The following CNTN5 variants were observed in gnomAD, a reference collection of about 807,000 sequenced individuals.
CNTN5 encodes contactin 5.
A neutral mutation model predicts 129.1 loss-of-function variants in CNTN5; 77 were observed. That is an observed-to-expected ratio of 0.60 (90% confidence interval 0.50 to 0.72). CNTN5 has a LOEUF of 0.72. Among genes scored for constraint, CNTN5 ranks in the 30% least tolerant of loss-of-function variants. The pLI, the probability that CNTN5 is intolerant of heterozygous loss-of-function variation, is 0.00. For missense variants in CNTN5, 1,478 were observed against 1,328.8 expected (o/e 1.11, Z -1.75); for synonymous variants, 509 against 465.6 (o/e 1.09, Z -1.20).
chr11:99,060,463 A>G (rs1488202369), intron 1 of CNTN5, among the ~76,000 whole-genome samples: 3 of 152,122 alleles, frequency 2.0e-5, no homozygotes, highest in South Asian at 4.1e-4. Context: ...CACTAAAGCT[A>G]TCATAGTTGA....
intron 9 of CNTN5, among the ~76,000 whole-genome samples, chr11:100,055,863 T>G (rs1369089932): frequency 1.3e-5 from 2 of 151,572 alleles, no homozygotes; most frequent in African/African-American, 4.8e-5. Context: ...TCTCTTGCTC[T>G]CACTCTCTCT....
At chr11:100,147,565 G>A (rs1311679721) in intron 13 of CNTN5, among the ~76,000 whole-genome samples, 3 of 151,852 alleles carry the variant, frequency 2.0e-5, no homozygotes, top group Admixed American at 2.0e-4. Flanking sequence ...TTATACACAC[G>A]TCTCCACCAT....
At chr11:99,035,911 G>T (rs1430031666) in intron 1 of CNTN5, among the ~76,000 whole-genome samples, 1 of 152,038 alleles carries the variant, frequency 6.6e-6, no homozygotes, top group African/African-American at 2.4e-5. Flanking sequence ...GCTGGTACCA[G>T]TTGTTCCTTT....
intron 3 of CNTN5, among the ~76,000 whole-genome samples, chr11:99,753,234 T>C (rs1944294795): frequency 6.7e-6 from 1 of 148,492 alleles, no homozygotes; most frequent in African/African-American, 2.5e-5. Flanking sequence ...GCCATTCTCC[T>C]GCCTCAGCCT....
rs535328847 is a variant in CNTN5, at chr11:99,903,288, T to C, written c.578-12766T>C. Among the ~76,000 whole-genome samples, 3 of 151,962 alleles carry C rather than the reference T, an allele frequency of 2.0e-5. No individual in the cohort carries two copies. In the East Asian group the frequency reaches 6.0e-4, roughly 30 times the overall value. Reference sequence around the variant, plus strand: ...GTAAAGGGCTGTTTAGATTTTTACTTTGGTTATGGTATAACCATAACCAAA... The same window carrying C: ...GTAAAGGGCTGTTTAGATTTTTACTCTGGTTATGGTATAACCATAACCAAA... On this transcript the variant is annotated intron_variant, in intron 6 of 24. Coordinates refer to ENST00000524871, the MANE Select transcript of CNTN5 (RefSeq NM_014361.4).
intron 6 of CNTN5, 113 bp from the exon 7 acceptor site, chr11:99,915,941 C>G: frequency 1.3e-6 from 1 of 778,732 alleles, no homozygotes; most frequent in African/African-American, 1.7e-5. Context: ...CACTGATTAA[C>G]AAACAAAAGA....
intron 1 of CNTN5, among the ~76,000 whole-genome samples, chr11:99,104,205 T>C (rs1282484721): frequency 2.6e-5 from 4 of 152,134 alleles, no homozygotes; most frequent in Non-Finnish European, 5.9e-5. Flanking sequence ...TCAGATAAAT[T>C]AATGAGTATT....
At chr11:100,095,533 T>A (rs1944978432) in intron 13 of CNTN5, among the ~76,000 whole-genome samples, 1 of 152,102 alleles carries the variant, frequency 6.6e-6, no homozygotes, top group Non-Finnish European at 1.5e-5. Flanking sequence ...ACATGGGTAA[T>A]GTGCGTGGGT....
intron 8 of CNTN5, among the ~76,000 whole-genome samples, chr11:99,967,279 G>A (rs1303939904): frequency 6.6e-6 from 1 of 152,162 alleles, no homozygotes; most frequent in Non-Finnish European, 1.5e-5. Context: ...GATTTGAAGT[G>A]CGTAGAAACA....
intron 1 of CNTN5, among the ~76,000 whole-genome samples, chr11:99,298,611 T>A (rs142016333): frequency 5.6e-4 from 86 of 152,274 alleles, no homozygotes; most frequent in African/African-American, 2.0e-3. Flanking sequence ...AAGAATCTGA[T>A]ACCAAAGTTG....
At chr11:100,150,503 T>C (rs1947018058) in intron 13 of CNTN5, among the ~76,000 whole-genome samples, 1 of 148,936 alleles carries the variant, frequency 6.7e-6, no homozygotes, top group Non-Finnish European at 1.5e-5. Flanking sequence ...GGTCCACCGA[T>C]ATTATAAAAC....
At chr11:100,286,395 G>A (rs1212522547) in intron 18 of CNTN5, among the ~76,000 whole-genome samples, 13 of 150,788 alleles carry the variant, frequency 8.6e-5, no homozygotes, top group East Asian at 6.0e-4. Flanking sequence ...CTCCCAGCAC[G>A]CAGCTGGAGA....
At chr11:100,052,218 A>C (rs922573245) in intron 9 of CNTN5, among the ~76,000 whole-genome samples, 5 of 151,940 alleles carry the variant, frequency 3.3e-5, no homozygotes, top group African/African-American at 1.2e-4. Context: ...GATTAGAGGG[A>C]AACTTTCTCA....
intron 3 of CNTN5, among the ~76,000 whole-genome samples, chr11:99,766,768 C>T (rs934787354): frequency 1.3e-5 from 2 of 151,922 alleles, no homozygotes; most frequent in Non-Finnish European, 2.9e-5. Context: ...CCTATTTTAA[C>T]AAGCATTTTA....
intron 2 of CNTN5, among the ~76,000 whole-genome samples, chr11:99,380,692 C>T (rs377737996): frequency 7.3e-6 from 1 of 137,370 alleles, no homozygotes; most frequent in East Asian, 2.3e-4. Flanking sequence ...CACTTGAACC[C>T]GGGAGGTGGA....
chr11:100,003,092 A>G (rs1332860237), intron 9 of CNTN5, among the ~76,000 whole-genome samples: 1 of 152,154 alleles, frequency 6.6e-6, no homozygotes, highest in Non-Finnish European at 1.5e-5. Flanking sequence ...AGGTAGATTT[A>G]AGGAACGAAC....
intron 7 of CNTN5, among the ~76,000 whole-genome samples, chr11:99,955,483 A>T (rs1245963242): frequency 2.6e-5 from 4 of 152,142 alleles, no homozygotes; most frequent in Admixed American, 2.0e-4. Flanking sequence ...AAAGTTTTGG[A>T]TTTTGTATCT....
In CNTN5 at chr11:99,144,262, C is replaced by T. The variant is rs562010364; in HGVS notation, c.-210+122992C>T. Among the ~76,000 whole-genome samples the T allele has an allele frequency of 2.3e-3, 352 of 152,076 alleles. 1 individual carries two copies. The highest frequency in any genetic ancestry group is 7.9e-3 in the African/African-American group (329 of 41,472). On this transcript the variant is annotated intron_variant, in intron 1 of 24. Coordinates refer to ENST00000524871, the MANE Select transcript of CNTN5 (RefSeq NM_014361.4). Reference sequence around the variant, plus strand: ...AATAAATTCTAGTCTCATCTATAGTCTAGGGAAAAATAGATATTTGGAATC... The same window carrying T: ...AATAAATTCTAGTCTCATCTATAGTTTAGGGAAAAATAGATATTTGGAATC...
chr11:99,602,122 A>T (rs34834031), intron 3 of CNTN5, among the ~76,000 whole-genome samples: 20,612 of 152,052 alleles, frequency 0.14, 1,591 homozygotes, highest in Non-Finnish European at 0.18. Flanking sequence ...CTAATAATAG[A>T]TACAAATCAT....
Sources: allele counts gnomAD v4.1 joint callset (sites outside exome capture counted in the v4.1 genomes callset), GRCh38; gene constraint gnomAD v4.1.1; transcripts MANE v1.5; gene names NCBI Gene and HGNC (gene_info 2026-07-23, HGNC 2026-07-21).